Variants in SBK1 observed in about 807,000 individuals in gnomAD.
The protein encoded by SBK1 is serine/threonine-protein kinase SBK1.
In SBK1, 11 loss-of-function variants were observed where a neutral mutation model predicts 24.4. That is an observed-to-expected ratio of 0.45 (90% CI 0.28 to 0.75). The LOEUF (loss-of-function observed/expected upper bound fraction) is 0.75, where lower values mean the gene tolerates loss of function less well. Among genes scored for constraint, SBK1 ranks in the 30% least tolerant of loss-of-function variants. The probability of loss-of-function intolerance (pLI) is 0.12; values close to 1 mark genes in which losing one functional copy is unlikely to be tolerated. For synonymous variants in SBK1, 308 were observed against 284.4 expected, an observed-to-expected ratio of 1.08 and a Z score of -0.83; for missense variants, 467 against 620.5, an observed-to-expected ratio of 0.75 and a Z score of 2.63.
At chr16:28,295,884 C>T (rs574701667) in intron 1 of SBK1, among the ~76,000 whole-genome samples, 14 of 151,420 alleles carry the variant, frequency 9.2e-5, no homozygotes, top group East Asian at 1.9e-4. Flanking sequence ...TCCTGGCCCC[C>T]GATGCTGGCA....
chr16:28,319,318 T>G lies in SBK1; in HGVS notation c.429+121T>G. 1 of 757,876 alleles carries G rather than the reference T, an allele frequency of 1.3e-6. No individual in the cohort carries two copies. Among genetic ancestry groups the G allele is most frequent in the Non-Finnish European group, 2.2e-6 (1 of 448,128 alleles). 46.9% of individuals were successfully genotyped at this position (757,876 alleles called of 1,614,324 possible). Reference sequence around the variant, plus strand: ...TACTGGGTGCCTGCTGTATGTCAGTTACCATTTGGGGAGGTGGGGATGTGC... The same window carrying G: ...TACTGGGTGCCTGCTGTATGTCAGTGACCATTTGGGGAGGTGGGGATGTGC... On this transcript the variant is annotated intron_variant, in intron 3 of 3. Transcript: ENST00000341901. This position sits in a 1 kb window ranked among gnomAD's most constrained non-coding sequence, Gnocchi z 4.0.
At chr16:28,299,180 A>G (rs1227487240) in intron 1 of SBK1, among the ~76,000 whole-genome samples, 1 of 152,200 alleles carries the variant, frequency 6.6e-6, no homozygotes, top group Non-Finnish European at 1.5e-5. Flanking sequence ...TCTGTGCCTC[A>G]GGTCCCTCAT....
At chr16:28,282,926 TA>T (rs2044542474) in intron 1 of SBK1, among the ~76,000 whole-genome samples, 1 of 151,910 alleles carries the variant, frequency 6.6e-6, no homozygotes, top group Admixed American at 6.6e-5. Context: ...TTTATTTATT[TA>T]TTTGTTTGTT....
intron 1 of SBK1, among the ~76,000 whole-genome samples, chr16:28,304,801 G>C (rs1024350375): frequency 6.6e-6 from 1 of 152,010 alleles, no homozygotes. Flanking sequence ...GTAGAGATGG[G>C]GTTTCACCGT....
intron 1 of SBK1, among the ~76,000 whole-genome samples, chr16:28,306,513 C>G (rs1441182936): frequency 2.6e-5 from 4 of 152,140 alleles, no homozygotes; most frequent in Non-Finnish European, 5.9e-5. Context: ...TAGAGCAATG[C>G]AACAGACAAG....
chr16:28,298,339 C>T (rs1237077041), intron 1 of SBK1, among the ~76,000 whole-genome samples: 2 of 152,220 alleles, frequency 1.3e-5, no homozygotes, highest in African/African-American at 4.8e-5. Context: ...GTGCTCAGTG[C>T]TGGACAGCGT....
At chr16:28,279,521 A>G (rs2044516525) in intron 1 of SBK1, among the ~76,000 whole-genome samples, 1 of 151,848 alleles carries the variant, frequency 6.6e-6, no homozygotes, top group Admixed American at 6.6e-5. Flanking sequence ...CCCCACGTTT[A>G]AATTTCTCTG....
At chr16:28,280,388 T>A (rs901890733) in intron 1 of SBK1, among the ~76,000 whole-genome samples, 4 of 148,788 alleles carry the variant, frequency 2.7e-5, no homozygotes, top group African/African-American at 9.9e-5. Context: ...AGAGATGGGA[T>A]CTCACTATGT....
intron 2 of SBK1, 128 bp from the exon 3 acceptor site, chr16:28,318,867 C>T (rs375758206): frequency 6.8e-5 from 51 of 753,312 alleles, no homozygotes; most frequent in Non-Finnish European, 1.1e-4. Context: ...TGTTCCCATC[C>T]GTGAGATGAG....
intron 1 of SBK1, among the ~76,000 whole-genome samples, chr16:28,278,346 C>T (rs964450617): frequency 6.6e-6 from 1 of 151,866 alleles, no homozygotes; most frequent in Non-Finnish European, 1.5e-5. Flanking sequence ...CTCACCCACC[C>T]CGCCTTTGTT....
Position 28,320,832 on chromosome 16 carries a change from C to T in SBK1, c.1186C>T (p.Pro396Ser). ...PVPVPEPGLAPQGPPGRTDGR... is the reference protein window; with the variant it reads ...PVPVPEPGLASQGPPGRTDGR... ...GCCTGTGCCCGAGCCCGGCCTAGCT[C>T]CCCAGGGGCCCCCCGGCCGGACCGA... is the stretch of plus-strand genomic sequence containing the variant. The change falls in exon 4 of 4, where the codon CCC becomes TCC. Residue 396 changes from proline (P) to serine (S), a missense_variant. Physicochemically the swap from Pro to Ser is moderately conservative, Grantham distance 74 (BLOSUM62 -1). Around this residue, in one of 4 missense-constraint regions of SBK1, gnomAD observed 166 missense variants for 146.8 expected, o/e 1.13. Transcript: ENST00000341901. The surrounding 1 kb of genome is among the most constrained non-coding windows in gnomAD (Gnocchi z 8.5). The T allele has an allele frequency of 2.0e-6, 3 of 1,464,998 alleles. No individual in the cohort carries two copies. The highest frequency in any genetic ancestry group is 2.7e-6 in the Non-Finnish European group (3 of 1,108,828). 90.7% of individuals were successfully genotyped at this position (1,464,998 alleles called of 1,614,324 possible).
At chr16:28,277,166 A>ACG (rs1555536349) in intron 1 of SBK1, among the ~76,000 whole-genome samples, 1 of 151,792 alleles carries the variant, frequency 6.6e-6, no homozygotes, top group Non-Finnish European at 1.5e-5. Context: ...GAGGTCAGGG[A>ACG]GCTGAGAGGC....
chr16:28,320,647 G>A lies in SBK1; in HGVS notation c.1001G>A (p.Gly334Glu), dbSNP rs1239470291. The change falls in exon 4 of 4, where the codon GGG (glycine) becomes GAG (glutamate). Residue 334 changes from glycine to glutamate, a missense_variant. By Grantham distance (98) the Gly-to-Glu change is moderately conservative. This residue lies in a region of SBK1 where 166 missense variants were observed against 146.8 expected (regional missense o/e 1.13). Coordinates refer to ENST00000341901, the MANE Select transcript of SBK1 (RefSeq NM_001024401.3). This position sits in a 1 kb window ranked among gnomAD's most constrained non-coding sequence, Gnocchi z 8.5. Reference protein sequence around the residue: ...RPSHRARKPPGDRPPAAGPLR... With the variant: ...RPSHRARKPPEDRPPAAGPLR... ...TCGCACCGCGCGCGCAAGCCCCCCG[G>A]GGACCGCCCGCCCGCCGCCGGGCCA... 5 of 1,150,548 alleles carry A rather than the reference G, an allele frequency of 4.3e-6. No individual in the cohort carries two copies. Among genetic ancestry groups the A allele is most frequent in the Non-Finnish European group, 5.3e-6 (5 of 936,108 alleles). The allele number at this position is 1,150,548 out of a possible 1,614,324, so 71.3% of individuals were successfully genotyped here. A position where few individuals can be genotyped will look rare whatever the true frequency, so the allele number is the denominator to read the frequency against.
At chr16:28,267,629 G>T (rs1473411628) in intron 1 of SBK1, among the ~76,000 whole-genome samples, 1 of 152,178 alleles carries the variant, frequency 6.6e-6, no homozygotes, top group Non-Finnish European at 1.5e-5. Context: ...ACACCATTTT[G>T]GAATCTGGAA....
intron 1 of SBK1, among the ~76,000 whole-genome samples, chr16:28,274,746 T>A (rs1353448527): frequency 6.6e-6 from 1 of 151,972 alleles, no homozygotes. Context: ...AAGAAAGGAA[T>A]CATAGTGTTC....
chr16:28,274,434 G>A (rs967493250), intron 1 of SBK1, among the ~76,000 whole-genome samples: 3 of 152,120 alleles, frequency 2.0e-5, no homozygotes, highest in Non-Finnish European at 2.9e-5. Context: ...CAGAGCACCC[G>A]AGGTCTGGAG....
rs1424646122 is a variant in SBK1 at position 28,259,513 on chromosome 16, G to A, written c.257+11G>A. The A allele has an allele frequency of 2.4e-5, 23 of 965,634 alleles. No individual in the cohort carries two copies. The East Asian group carries it at 6.9e-4, about 29-fold the overall frequency. 59.8% of individuals were successfully genotyped at this position (965,634 alleles called of 1,614,324 possible). A position where few individuals can be genotyped will look rare whatever the true frequency, so the allele number is the denominator to read the frequency against. The stretch of plus-strand genomic sequence containing the variant: ...AGTCCCATTGCGGAGGTCAGTGCTC[G>A]TGGGTGGCCAGTGGGTGGGCAGCAG... On this transcript the variant is annotated intron_variant, in intron 1 of 3. Coordinates refer to the SBK1 transcript ENST00000671413. This position sits in a 1 kb window ranked among gnomAD's most constrained non-coding sequence, Gnocchi z 6.0.
chr16:28,276,870 T>TTCACCATCA (rs2044496476), intron 1 of SBK1, among the ~76,000 whole-genome samples: 1 of 152,034 alleles, frequency 6.6e-6, no homozygotes, highest in Non-Finnish European at 1.5e-5. Flanking sequence ...TTCACCGTGT[T>TTCACCATCA]AGCCAGGATG....
chr16:28,308,777 G>GTGTT (rs200325407), intron 1 of SBK1, among the ~76,000 whole-genome samples: 2 of 146,928 alleles, frequency 1.4e-5, no homozygotes, highest in East Asian at 2.0e-4. Flanking sequence ...GTGTGTGTGT[G>GTGTT]TGTTTGTTTT....
Sources: gnomAD v4.1 joint callset for allele counts (sites outside exome capture counted in the v4.1 genomes callset) on GRCh38, gnomAD v4.1.1 for gene constraint, gnomAD v4.1.1 regional missense constraint, Gnocchi (gnomAD v3.1) non-coding constraint, MANE v1.5 for transcripts, NCBI Gene and HGNC (gene_info 2026-07-23, HGNC 2026-07-21) for gene names.